Variants in TMED8 observed in about 807,000 individuals in gnomAD.
The protein encoded by TMED8 is protein TMED8.
A neutral mutation model predicts 32.7 loss-of-function variants in TMED8; 15 were observed. The ratio of observed to expected loss-of-function variants is 0.46; its 90% CI spans 0.31 to 0.71. The LOEUF (loss-of-function observed/expected upper bound fraction) is 0.71. TMED8 is among the 30% of genes least tolerant of loss of function. The pLI is 0.06. For missense variants in TMED8, 390 were observed against 423.9 expected, an observed-to-expected ratio of 0.92 and a Z score of 0.70; for synonymous variants, 147 against 161.4, an observed-to-expected ratio of 0.91 and a Z score of 0.68.
intron 1 of TMED8, among the ~76,000 whole-genome samples, chr14:77,352,940 T>C (rs1893212478): frequency 6.6e-6 from 1 of 152,200 alleles, no homozygotes; most frequent in South Asian, 2.1e-4. Flanking sequence ...CATTTATTTA[T>C]TCAATCACTC....
chr14:77,367,240 T>TAAAA (rs56707120), intron 1 of TMED8, among the ~76,000 whole-genome samples: 1 of 25,058 alleles, frequency 4.0e-5, no homozygotes, highest in African/African-American at 1.3e-4. Context: ...AGACTCTGTC[T>TAAAA]AAAAAAAAAA....
chr14:77,376,857 G>A lies in TMED8; in HGVS notation c.118+79C>T. 1 of 943,868 alleles carries A rather than the reference G, an allele frequency of 1.1e-6. No individual in the cohort carries two copies. The highest frequency in any genetic ancestry group is 1.4e-6 in the Non-Finnish European group (1 of 697,002). The allele number at this position is 943,868 out of a possible 1,614,324, so 58.5% of individuals were successfully genotyped here. On this transcript the variant is annotated intron_variant, in intron 1 of 5. Coordinates refer to ENST00000216468, the MANE Select transcript of TMED8 (RefSeq NM_213601.3). This position sits in a 1 kb window ranked among gnomAD's most constrained non-coding sequence, Gnocchi z 4.0. ...GCTCCGCGGGGAAGCCCAGGACAGA[G>A]CGCGGCGGAGGCTCGCGCCGTGGTG...
At chr14:77,367,218 G>A (rs1344157988) in intron 1 of TMED8, among the ~76,000 whole-genome samples, 2 of 144,320 alleles carry the variant, frequency 1.4e-5, no homozygotes, top group Non-Finnish European at 3.0e-5. Flanking sequence ...CTCCAGCCTG[G>A]GTGACAGAGC....
chr14:77,354,063 A>T (rs754502596), intron 1 of TMED8, among the ~76,000 whole-genome samples: 5 of 152,172 alleles, frequency 3.3e-5, no homozygotes, highest in Non-Finnish European at 7.3e-5. Context: ...TCTTCACACT[A>T]TATAGCCTGT....
chr14:77,373,461 C>A (rs1317033165), intron 1 of TMED8, among the ~76,000 whole-genome samples: 2 of 152,108 alleles, frequency 1.3e-5, no homozygotes, highest in African/African-American at 4.8e-5. Flanking sequence ...AATTACAATG[C>A]ATAAAACAAT....
In TMED8 at chr14:77,336,689, T is replaced by C. The variant is rs1410095194; in HGVS notation, c.*5082A>G. 1 of 151,318 alleles carries C rather than the reference T, an allele frequency of 6.6e-6. No individual in the cohort carries two copies. Among genetic ancestry groups the C allele is most frequent in the East Asian group, 2.0e-4 (1 of 5,102 alleles). 9.4% of individuals were successfully genotyped at this position (151,318 alleles called of 1,614,324 possible). A position where few individuals can be genotyped will look rare whatever the true frequency, so the allele number is the denominator to read the frequency against. ...TTTTGTTTTCCCTCGTTGTGATCAA[T>C]TTTAAAAGACAGTTCTCAAGCAGCA... On this transcript the variant is annotated 3_prime_UTR_variant, in exon 6 of 6. Coordinates refer to ENST00000216468, the MANE Select transcript of TMED8 (RefSeq NM_213601.3).
chr14:77,342,919 C>T (rs1448652260), intron 5 of TMED8, among the ~76,000 whole-genome samples: 2 of 152,174 alleles, frequency 1.3e-5, no homozygotes. Context: ...TCTCTCTGCT[C>T]CTGCCCCATC....
At chr14:77,361,915 G>A (rs190908992) in intron 1 of TMED8, among the ~76,000 whole-genome samples, 2 of 152,114 alleles carry the variant, frequency 1.3e-5, no homozygotes, top group Admixed American at 1.3e-4. Context: ...TCAGCCTCCC[G>A]AGTAGCTGAC....
At chr14:77,364,250 G>A (rs975809110) in intron 1 of TMED8, among the ~76,000 whole-genome samples, 1 of 151,948 alleles carries the variant, frequency 6.6e-6, no homozygotes, top group Non-Finnish European at 1.5e-5. Flanking sequence ...ACCCAGGCTG[G>A]AGTGTAGTGT....
At chr14:77,375,451 G>A (rs143011881) in intron 1 of TMED8, among the ~76,000 whole-genome samples, 2 of 152,182 alleles carry the variant, frequency 1.3e-5, no homozygotes, top group East Asian at 3.9e-4. Context: ...CGCATGCAAG[G>A]GACAAGTGTT....
At position 77,377,001 on chromosome 14, in the gene TMED8, C is replaced by A. The variant is rs746498616; in HGVS notation, c.53G>T (p.Arg18Leu). ...EGPGSWSPTA[R>L]PGSAGGVGDC... The stretch of plus-strand genomic sequence containing the variant: ...CCCGACGCCGCCAGCCGACCCTGGG[C>A]GGGCTGTGGGGCTCCAGGAGCCCGG... Residue 18 changes from arginine to leucine, a missense_variant, in exon 1 of 6, where the codon CGC (arginine) becomes CTC (leucine). Transcript: ENST00000216468. 7.0e-7 allele frequency: 1 copy of A among 1,434,062 alleles called. No individual in the cohort carries two copies. Among genetic ancestry groups the A allele is most frequent in the Non-Finnish European group, 9.1e-7 (1 of 1,102,834 alleles). 88.8% of individuals were successfully genotyped at this position (1,434,062 alleles called of 1,614,324 possible).
At chr14:77,370,988 T>C (rs983162640) in intron 1 of TMED8, among the ~76,000 whole-genome samples, 1 of 152,000 alleles carries the variant, frequency 6.6e-6, no homozygotes, top group Non-Finnish European at 1.5e-5. Flanking sequence ...CTGGACATAC[T>C]ACTGTGTACT....
intron 1 of TMED8, chr14:77,359,899 G>GA (rs34955364): frequency 0.18 from 27,854 of 157,360 alleles, 2,811 homozygotes; most frequent in Admixed American, 0.27. Flanking sequence ...ACAAATAATA[G>GA]AAAAAAAAAT....
intron 2 of TMED8, among the ~76,000 whole-genome samples, chr14:77,349,624 T>C (rs569121713): frequency 1.2e-3 from 181 of 152,334 alleles, no homozygotes; most frequent in Admixed American, 1.6e-3. Context: ...ACTTCCTTCC[T>C]GCAGGTTTTC....
Position 77,343,382 on chromosome 14 carries a change from T to G in TMED8, c.556A>C (p.Lys186Gln). The change falls in exon 5 of 6, where the codon AAG (lysine) becomes CAG (glutamine). Residue 186 changes from lysine (K) to glutamine (Q), a missense_variant. By Grantham distance (53) the Lys-to-Gln change is moderately conservative. Coordinates refer to ENST00000216468, the MANE Select transcript of TMED8 (RefSeq NM_213601.3). Reference protein sequence around the residue: ...GKEKNSRLVVKRGEVVTIRVP... With the variant: ...GKEKNSRLVVQRGEVVTIRVP... ...CGGATGGTCACCACCTCACCACGCT[T>G]CACCACCAGACGGCTGTTCTTCTCT... is the stretch of plus-strand genomic sequence containing the variant. The G allele has an allele frequency of 6.2e-7, 1 of 1,614,172 alleles. No individual in the cohort carries two copies. Among genetic ancestry groups the G allele is most frequent in the African/African-American group, 1.3e-5 (1 of 75,050 alleles).
rs949116994 is a variant in TMED8, at chr14:77,377,062, C to A, written c.-9G>T. ...GCCTGCAGGTCAGACATCTGCAGCCCGCGCACGGAGCTCTCCGCTGCCAGC... is the reference window on the plus strand; with the variant it reads ...GCCTGCAGGTCAGACATCTGCAGCCAGCGCACGGAGCTCTCCGCTGCCAGC... On this transcript the variant is annotated 5_prime_UTR_variant, in exon 1 of 6. Coordinates refer to ENST00000216468, the MANE Select transcript of TMED8 (RefSeq NM_213601.3). The A allele has an allele frequency of 3.0e-6, 4 of 1,350,278 alleles. No homozygotes were observed. The African/African-American group carries it at 4.6e-5, about 16-fold the overall frequency. The allele number at this position is 1,350,278 out of a possible 1,614,324, so 83.6% of individuals were successfully genotyped here.
intron 2 of TMED8, 118 bp downstream of exon 2, chr14:77,351,555 C>A: frequency 1.1e-6 from 1 of 941,518 alleles, no homozygotes; most frequent in Non-Finnish European, 1.6e-6. Context: ...GCCACTGCGC[C>A]CGGCCCACAT....
intron 5 of TMED8, among the ~76,000 whole-genome samples, chr14:77,342,346 A>C (rs1892923174): frequency 6.6e-6 from 1 of 152,200 alleles, no homozygotes; most frequent in Non-Finnish European, 1.5e-5. Context: ...TTAGAAGAAA[A>C]GATCCCGATA....
At chr14:77,357,356 T>C (rs1244040476) in intron 1 of TMED8, among the ~76,000 whole-genome samples, 1 of 152,238 alleles carries the variant, frequency 6.6e-6, no homozygotes, top group Non-Finnish European at 1.5e-5. Context: ...CTAGTGGCTT[T>C]AGCAGGCATT....
Sources: gnomAD v4.1 joint callset for allele counts (sites outside exome capture counted in the v4.1 genomes callset) on GRCh38, gnomAD v4.1.1 for gene constraint, Gnocchi (gnomAD v3.1) non-coding constraint, MANE v1.5 for transcripts, NCBI Gene and HGNC (gene_info 2026-07-23, HGNC 2026-07-21) for gene names.